RIMS2: variants seen among roughly 807,000 people sequenced by gnomAD.
The protein encoded by RIMS2 is regulating synaptic membrane exocytosis protein 2.
Under a neutral mutation model 174.4 loss-of-function variants are expected in RIMS2, and 59 were observed. The ratio of observed to expected loss-of-function variants is 0.34; its 90% confidence interval spans 0.27 to 0.42. The LOEUF is 0.42. Among genes scored for constraint, RIMS2 ranks in the 10% least tolerant of loss-of-function variants. The pLI, the probability that RIMS2 is intolerant of heterozygous loss-of-function variation, is 1.00. For synonymous variants in RIMS2, 606 were observed against 572.5 expected (o/e 1.06, Z -0.84); for missense variants, 1,620 against 1,666.3 (o/e 0.97, Z 0.48).
intron 19 of RIMS2, among the ~76,000 whole-genome samples, chr8:104,091,198 A>G (rs963671500): frequency 6.6e-6 from 1 of 151,812 alleles, no homozygotes; most frequent in Non-Finnish European, 1.5e-5. Context: ...CCCATTCCAG[A>G]GCATTGGCTC....
At chr8:103,547,897 A>G (rs144171975) in intron 1 of RIMS2, among the ~76,000 whole-genome samples, 3 of 152,312 alleles carry the variant, frequency 2.0e-5, no homozygotes, top group Non-Finnish European at 2.9e-5. Flanking sequence ...ATGCACACAA[A>G]CTAGAAAACT....
intron 4 of RIMS2, among the ~76,000 whole-genome samples, chr8:103,908,332 T>C (rs1339877607): frequency 6.6e-6 from 1 of 152,212 alleles, no homozygotes; most frequent in Non-Finnish European, 1.5e-5. Context: ...TGAGCCACCA[T>C]GCCTGGCCAA....
chr8:103,708,125 CGA>C (rs2097256632), intron 2 of RIMS2, among the ~76,000 whole-genome samples: 1 of 152,192 alleles, frequency 6.6e-6, no homozygotes, highest in Non-Finnish European at 1.5e-5. Context: ...AAACAGCCTT[CGA>C]GAGTAGTGCA....
intron 2 of RIMS2, among the ~76,000 whole-genome samples, chr8:103,764,987 A>G (rs1554809387): frequency 6.6e-6 from 1 of 152,194 alleles, no homozygotes; most frequent in Non-Finnish European, 1.5e-5. Context: ...ACAAACTATG[A>G]AATGGAATAA....
At chr8:103,733,389 G>A (rs1039153306) in intron 2 of RIMS2, among the ~76,000 whole-genome samples, 5 of 152,030 alleles carry the variant, frequency 3.3e-5, no homozygotes, top group African/African-American at 1.2e-4. Flanking sequence ...CTGGGGGAAG[G>A]GGTGGTGCAA....
In RIMS2 at chr8:103,534,451, A is replaced by G. The variant is rs536200822; in HGVS notation, c.176+33389A>G. 5.3e-5 allele frequency among the ~76,000 whole-genome samples: 8 copies of G among 152,336 alleles called. 1 individual carries two copies. In the South Asian group the frequency reaches 1.7e-3, roughly 32 times the overall value. Reference sequence around the variant, plus strand: ...AACTTTCATCTGCAATGTATGATGTATAACATGCTAAAAGGCAAATGTCTA... The same window carrying G: ...AACTTTCATCTGCAATGTATGATGTGTAACATGCTAAAAGGCAAATGTCTA... On this transcript the variant is annotated intron_variant, in intron 1 of 23. Coordinates refer to ENST00000504942, the Ensembl canonical transcript of RIMS2.
chr8:103,544,873 A>T (rs1844266889), intron 1 of RIMS2, among the ~76,000 whole-genome samples: 1 of 152,154 alleles, frequency 6.6e-6, no homozygotes, highest in African/African-American at 2.4e-5. Context: ...ATCAAAGAAG[A>T]TATAAGAAAA....
chr8:104,227,764 AT>A (rs1215014343), intron 19 of RIMS2, among the ~76,000 whole-genome samples: 1 of 152,210 alleles, frequency 6.6e-6, no homozygotes, highest in Non-Finnish European at 1.5e-5. Flanking sequence ...TTTGGCAATC[AT>A]ACAGAAGAGA....
intron 10 of RIMS2, 145 bp downstream of exon 13, chr8:103,921,929 A>G (rs1468694296): frequency 2.3e-6 from 1 of 430,748 alleles, no homozygotes. Context: ...AATTTTTGAA[A>G]TCCAATTTTG....
intron 19 of RIMS2, among the ~76,000 whole-genome samples, chr8:104,037,615 C>G (rs1021327445): frequency 1.3e-5 from 2 of 152,070 alleles, no homozygotes; most frequent in Admixed American, 1.3e-4. Flanking sequence ...TACAGATGAT[C>G]ATTTCTGTTT....
intron 1 of RIMS2, among the ~76,000 whole-genome samples, chr8:103,584,890 A>G (rs945243642): frequency 1.4e-5 from 2 of 147,204 alleles, no homozygotes; most frequent in African/African-American, 5.1e-5. Context: ...CTTATCAGTA[A>G]TAACATTGAA....
intron 19 of RIMS2, among the ~76,000 whole-genome samples, chr8:104,084,510 G>C (rs749452659): frequency 7.3e-5 from 11 of 149,914 alleles, no homozygotes; most frequent in Non-Finnish European, 1.0e-4. Flanking sequence ...AGGCAGGTTT[G>C]GTATTATCCT....
intron 19 of RIMS2, among the ~76,000 whole-genome samples, chr8:104,182,329 A>G (rs2098944660): frequency 1.3e-5 from 2 of 151,832 alleles, no homozygotes; most frequent in African/African-American, 4.8e-5. Flanking sequence ...TTGTACTTTT[A>G]ACAATGTACT....
chr8:104,242,886 T>C (rs2099309583), intron 19 of RIMS2, among the ~76,000 whole-genome samples: 1 of 151,610 alleles, frequency 6.6e-6, no homozygotes, highest in African/African-American at 2.4e-5. Flanking sequence ...GTTAAAGTAC[T>C]TTTTTTTTCC....
intron 17 of RIMS2, among the ~76,000 whole-genome samples, chr8:103,998,970 G>A (rs960295706): frequency 2.6e-5 from 4 of 151,756 alleles, no homozygotes; most frequent in Admixed American, 2.6e-4. Context: ...AGAAAGAAAA[G>A]AGAGAGAAGA....
At chr8:103,854,495 T>G (rs1298424385) in intron 3 of RIMS2, among the ~76,000 whole-genome samples, 1 of 152,022 alleles carries the variant, frequency 6.6e-6, no homozygotes, top group Non-Finnish European at 1.5e-5. Context: ...GCTGTGGGTT[T>G]GTCATAGATG....
At chr8:103,825,940 A>G (rs2098787842) in intron 3 of RIMS2, among the ~76,000 whole-genome samples, 1 of 152,116 alleles carries the variant, frequency 6.6e-6, no homozygotes, top group African/African-American at 2.4e-5. Context: ...TTGGTGATAT[A>G]GGTTTTTAAT....
chr8:103,657,086 A>C (rs1251748597), intron 1 of RIMS2, among the ~76,000 whole-genome samples: 1 of 152,198 alleles, frequency 6.6e-6, no homozygotes, highest in African/African-American at 2.4e-5. Flanking sequence ...ACCAGAGCTG[A>C]ATCAATATGA....
intron 1 of RIMS2, among the ~76,000 whole-genome samples, chr8:103,575,457 T>G (rs1245227917): frequency 6.6e-6 from 1 of 151,982 alleles, no homozygotes; most frequent in Non-Finnish European, 1.5e-5. Flanking sequence ...AATGAATGCA[T>G]GTACTCACCA....
Sources: gnomAD v4.1 joint callset for allele counts (sites outside exome capture counted in the v4.1 genomes callset) on GRCh38, gnomAD v4.1.1 for gene constraint, MANE v1.5 for transcripts, NCBI Gene and HGNC (gene_info 2026-07-23, HGNC 2026-07-21) for gene names.